FHIT: variants seen among roughly 807,000 people sequenced by gnomAD.
FHIT encodes the protein fragile histidine triad diadenosine triphosphatase.
Under a neutral mutation model 17.9 loss-of-function variants are expected in FHIT, and 19 were observed. The observed-to-expected ratio is 1.06, with a 90% CI of 0.74 to 1.56. FHIT has a LOEUF of 1.56. Ranked by LOEUF, FHIT falls within the 40% of genes most tolerant of loss-of-function variation. The pLI, the probability that FHIT is intolerant of heterozygous loss-of-function variation, is 0.00. For missense variants in FHIT, 248 were observed against 189.2 expected, an observed-to-expected ratio of 1.31 and a Z score of -1.82; for synonymous variants, 81 against 69.7, an observed-to-expected ratio of 1.16 and a Z score of -0.81.
At chr3:60,706,300 A>C (rs561487517) in intron 4 of FHIT, among the ~76,000 whole-genome samples, 1 of 152,214 alleles carries the variant, frequency 6.6e-6, no homozygotes, top group South Asian at 2.1e-4. Flanking sequence ...GGGGCTTAAA[A>C]CCTAGATGAC....
chr3:60,976,096 C>CTTTTTCTTTTT (rs1424446334), intron 3 of FHIT, among the ~76,000 whole-genome samples: 2 of 66,754 alleles, frequency 3.0e-5, no homozygotes, highest in African/African-American at 1.3e-4. Context: ...TTTTCTTTTT[C>CTTTTTCTTTTT]TTTTTTTTTT....
intron 4 of FHIT, among the ~76,000 whole-genome samples, chr3:60,812,030 G>A (rs577559146): frequency 2.6e-5 from 4 of 152,068 alleles, no homozygotes; most frequent in South Asian, 2.1e-4. Context: ...CAAACTTCAC[G>A]CACTGATGTA....
intron 8 of FHIT, among the ~76,000 whole-genome samples, chr3:59,771,885 T>C (rs1702088693): frequency 6.6e-6 from 1 of 152,218 alleles, no homozygotes; most frequent in African/African-American, 2.4e-5. Flanking sequence ...TAGAAAAATG[T>C]GTGCACACAC....
At chr3:60,403,147 A>T (rs1425933823) in intron 5 of FHIT, among the ~76,000 whole-genome samples, 1 of 152,176 alleles carries the variant, frequency 6.6e-6, no homozygotes, top group Non-Finnish European at 1.5e-5. Context: ...AGCCCGGGAT[A>T]GACAAAGACA....
At chr3:60,446,639 G>A (rs796700104) in intron 5 of FHIT, among the ~76,000 whole-genome samples, 10 of 152,144 alleles carry the variant, frequency 6.6e-5, no homozygotes, top group African/African-American at 2.2e-4. Flanking sequence ...ATGGCTTGAA[G>A]CCAGGAGTTC....
intron 3 of FHIT, among the ~76,000 whole-genome samples, chr3:60,973,800 T>C (rs564190407): frequency 2.6e-5 from 4 of 152,238 alleles, no homozygotes; most frequent in South Asian, 2.1e-4. Flanking sequence ...AGTAGGAGTA[T>C]GGAAGAGTGG....
At chr3:59,793,722 C>A (rs75315234) in intron 8 of FHIT, among the ~76,000 whole-genome samples, 273 of 152,278 alleles carry the variant, frequency 1.8e-3, no homozygotes, top group African/African-American at 6.3e-3. Context: ...TGATTTAAAT[C>A]TTTTAAAACC....
At chr3:60,191,363 G>A (rs538577799) in intron 5 of FHIT, among the ~76,000 whole-genome samples, 61 of 152,240 alleles carry the variant, frequency 4.0e-4, no homozygotes, top group South Asian at 2.3e-3. Context: ...GACTAGTCTC[G>A]TACTTAGAAA....
chr3:59,996,486 T>C (rs984807602), intron 7 of FHIT, among the ~76,000 whole-genome samples: 5 of 152,104 alleles, frequency 3.3e-5, no homozygotes, highest in Non-Finnish European at 5.9e-5. Context: ...CGACATTTTG[T>C]GTGTATGTGA....
intron 5 of FHIT, among the ~76,000 whole-genome samples, chr3:60,356,762 A>AAAC (rs1169963082): frequency 6.9e-5 from 5 of 72,362 alleles, no homozygotes; most frequent in Admixed American, 2.0e-4. Context: ...ACAAAAAAAA[A>AAAC]AAAAAAAAAA....
At chr3:60,860,454 ATATG>A in intron 3 of FHIT, among the ~76,000 whole-genome samples, 2 of 123,314 alleles carry the variant, frequency 1.6e-5, no homozygotes, top group African/African-American at 3.1e-5. Flanking sequence ...TATATGATAC[ATATG>A]TACATATATA....
chr3:60,921,627 A>C (rs1439606492), intron 3 of FHIT, among the ~76,000 whole-genome samples: 1 of 152,198 alleles, frequency 6.6e-6, no homozygotes, highest in East Asian at 1.9e-4. Context: ...CCCTCTCCCC[A>C]AAAACATGAC....
At chr3:59,758,866 A>G (rs370567380) in intron 8 of FHIT, among the ~76,000 whole-genome samples, 33 of 152,018 alleles carry the variant, frequency 2.2e-4, no homozygotes, top group African/African-American at 7.5e-4. Flanking sequence ...GTGACTCAAG[A>G]TGTGAGGGTG....
At chr3:60,565,587 T>C (rs2594265) in intron 4 of FHIT, among the ~76,000 whole-genome samples, 64,819 of 151,968 alleles carry the variant, frequency 0.43, 14,178 homozygotes, top group East Asian at 0.54. Flanking sequence ...CAGAAAAATA[T>C]TTCAAGCAAA....
At chr3:60,418,442 A>C (rs1420003574) in intron 5 of FHIT, among the ~76,000 whole-genome samples, 1 of 137,730 alleles carries the variant, frequency 7.3e-6, no homozygotes, top group Non-Finnish European at 1.5e-5. Flanking sequence ...ATACACACAC[A>C]CCACAGACGA....
chr3:59,964,636 G>C (rs1707838077), intron 7 of FHIT, among the ~76,000 whole-genome samples: 1 of 152,026 alleles, frequency 6.6e-6, no homozygotes, highest in African/African-American at 2.4e-5. Context: ...GACAAATAGT[G>C]GTGCTCAAAT....
intron 5 of FHIT, among the ~76,000 whole-genome samples, chr3:60,091,766 T>A (rs1182265432): frequency 6.6e-6 from 1 of 152,044 alleles, no homozygotes; most frequent in Non-Finnish European, 1.5e-5. Context: ...TTGCCTTTCT[T>A]CTCCTGCTCC....
chr3:59,913,877 T>C (rs1705004246), intron 8 of FHIT, among the ~76,000 whole-genome samples: 1 of 152,210 alleles, frequency 6.6e-6, no homozygotes, highest in African/African-American at 2.4e-5. Flanking sequence ...TACACAGGTA[T>C]ACCAGCTATT....
chr3:60,678,130 T>C (rs2040665172), intron 4 of FHIT, among the ~76,000 whole-genome samples: 1 of 152,202 alleles, frequency 6.6e-6, no homozygotes, highest in Non-Finnish European at 1.5e-5. Flanking sequence ...TCCTTGGTAT[T>C]GTTATCTTGG....
Sources: gnomAD v4.1 joint callset for allele counts (sites outside exome capture counted in the v4.1 genomes callset) on GRCh38, gnomAD v4.1.1 for gene constraint, MANE v1.5 for transcripts, NCBI Gene and HGNC (gene_info 2026-07-23, HGNC 2026-07-21) for gene names.